The following SUGCT variants were observed in gnomAD, a reference collection of about 807,000 sequenced individuals.
The protein encoded by SUGCT is succinyl-CoA:glutarate-CoA transferase, also known as succinyl-CoA:glutarate CoA-transferase.
A neutral mutation model predicts 55.0 loss-of-function variants in SUGCT; 41 were observed. The ratio of observed to expected loss-of-function variants is 0.74; its 90% CI spans 0.58 to 0.97. SUGCT has a LOEUF of 0.97. Among genes scored for constraint, SUGCT ranks in the 50% least tolerant of loss-of-function variants. The probability of loss-of-function intolerance (pLI) is 0.00; values close to 1 mark genes in which losing one functional copy is unlikely to be tolerated. For synonymous variants in SUGCT, 187 were observed against 200.4 expected, an observed-to-expected ratio of 0.93 and a Z score of 0.56; for missense variants, 568 against 547.8, an observed-to-expected ratio of 1.04 and a Z score of -0.37.
intron 9 of SUGCT, among the ~76,000 whole-genome samples, chr7:40,412,620 T>C (rs1396304553): frequency 6.6e-6 from 1 of 152,194 alleles, no homozygotes; most frequent in Non-Finnish European, 1.5e-5. Context: ...CTCCCATAAT[T>C]CTTATCAGTT....
the SUGCT span, among the ~76,000 whole-genome samples, chr7:40,982,966 C>A: frequency 6.6e-6 from 1 of 152,090 alleles, no homozygotes; most frequent in South Asian, 2.1e-4. Context: ...ACCTGATGAC[C>A]AAGAAGCCCA....
chr7:40,949,697 T>C, the SUGCT span, among the ~76,000 whole-genome samples: 11 of 152,242 alleles, frequency 7.2e-5, no homozygotes, highest in Non-Finnish European at 1.5e-5. Flanking sequence ...CCCAACACCA[T>C]TTATTAAATA....
intron 12 of SUGCT, among the ~76,000 whole-genome samples, chr7:40,520,234 G>A (rs1441511462): frequency 6.6e-6 from 1 of 152,040 alleles, no homozygotes; most frequent in African/African-American, 2.4e-5. Context: ...TACAATACTA[G>A]AATTTTGATA....
intron 1 of SUGCT, among the ~76,000 whole-genome samples, chr7:40,147,553 C>T (rs1033466113): frequency 1.3e-5 from 2 of 152,174 alleles, no homozygotes; most frequent in Non-Finnish European, 2.9e-5. Context: ...TCCTTAGTCC[C>T]GACCACCAAG....
intron 10 of SUGCT, among the ~76,000 whole-genome samples, chr7:40,451,036 T>C (rs1180849033): frequency 6.6e-6 from 1 of 152,100 alleles, no homozygotes; most frequent in Non-Finnish European, 1.5e-5. Context: ...GGAAAATCGA[T>C]TCAAACATTT....
At chr7:40,264,572 TC>T (rs1791435702) in intron 7 of SUGCT, among the ~76,000 whole-genome samples, 1 of 152,204 alleles carries the variant, frequency 6.6e-6, no homozygotes, top group African/African-American at 2.4e-5. Context: ...ATCTGAATAT[TC>T]CATTCTTTGT....
At chr7:40,904,810 A>G in the SUGCT span, among the ~76,000 whole-genome samples, 2 of 152,218 alleles carry the variant, frequency 1.3e-5, no homozygotes. Context: ...GTATATGTAT[A>G]TATGTGTGTG....
chr7:40,945,779 G>A, the SUGCT span, among the ~76,000 whole-genome samples: 13 of 152,112 alleles, frequency 8.5e-5, no homozygotes, highest in African/African-American at 3.1e-4. Flanking sequence ...CTCCCTGAGG[G>A]CCAAACTACT....
chr7:40,199,584 G>C (rs1471357400), intron 6 of SUGCT, among the ~76,000 whole-genome samples: 1 of 152,064 alleles, frequency 6.6e-6, no homozygotes, highest in Non-Finnish European at 1.5e-5. Context: ...ATTTTAAGTT[G>C]TACCTTCTTT....
intron 12 of SUGCT, among the ~76,000 whole-genome samples, chr7:40,631,554 G>A (rs1799789484): frequency 6.6e-6 from 1 of 152,146 alleles, no homozygotes; most frequent in South Asian, 2.1e-4. Flanking sequence ...GCCTGGATTG[G>A]GTCTGGATAA....
rs561918109 is a variant in SUGCT, at chr7:40,719,839, A to T, written c.1090-29595A>T. 6.6e-5 allele frequency among the ~76,000 whole-genome samples: 10 copies of T among 152,330 alleles called. No homozygotes were observed. The South Asian group carries it at 2.1e-3, about 32-fold the overall frequency. The stretch of plus-strand genomic sequence containing the variant: ...TTTGAGACAGAGTCTCACTGTCACC[A>T]GGCTGGCATGCAGTGGCACGATCTC... On this transcript the variant is annotated intron_variant, in intron 12 of 13. Coordinates refer to ENST00000335693, the MANE Select transcript of SUGCT (RefSeq NM_001193313.2).
intron 9 of SUGCT, among the ~76,000 whole-genome samples, chr7:40,329,725 T>G (rs1005730318): frequency 1.1e-4 from 17 of 152,200 alleles, no homozygotes; most frequent in African/African-American, 4.1e-4. Flanking sequence ...AGACCCTTGT[T>G]GTCATTCTAA....
intron 12 of SUGCT, among the ~76,000 whole-genome samples, chr7:40,747,783 TG>T (rs1336560094): frequency 5.9e-5 from 9 of 152,182 alleles, no homozygotes; most frequent in African/African-American, 1.9e-4. Context: ...AGCCTCCAAT[TG>T]TTTTTTTTTA....
chr7:40,882,013 C>T, the SUGCT span, among the ~76,000 whole-genome samples: 1 of 152,150 alleles, frequency 6.6e-6, no homozygotes, highest in African/African-American at 2.4e-5. Flanking sequence ...TCCCTTTTCT[C>T]ACACCTTTGT....
chr7:40,363,189 T>A (rs552370902), intron 9 of SUGCT, among the ~76,000 whole-genome samples: 111 of 152,128 alleles, frequency 7.3e-4, no homozygotes, highest in African/African-American at 2.6e-3. Flanking sequence ...TGCATCTATT[T>A]GATTCTTCTC....
the SUGCT span, among the ~76,000 whole-genome samples, chr7:40,950,634 A>G: frequency 7.9e-5 from 12 of 152,278 alleles, no homozygotes; most frequent in African/African-American, 2.4e-4. Context: ...ACGTCCCATC[A>G]ATACCTAGTT....
intron 7 of SUGCT, among the ~76,000 whole-genome samples, chr7:40,248,847 A>G (rs998053279): frequency 1.3e-5 from 2 of 152,090 alleles, no homozygotes; most frequent in African/African-American, 4.8e-5. Flanking sequence ...ATGCAAATAA[A>G]CAAGTAGAGA....
At chr7:40,341,713 G>A (rs962133582) in intron 9 of SUGCT, among the ~76,000 whole-genome samples, 1 of 152,166 alleles carries the variant, frequency 6.6e-6, no homozygotes, top group African/African-American at 2.4e-5. Context: ...CACTAAACTT[G>A]TAAAATTGTG....
At chr7:40,339,537 C>T (rs536014384) in intron 9 of SUGCT, among the ~76,000 whole-genome samples, 5 of 152,196 alleles carry the variant, frequency 3.3e-5, no homozygotes, top group Non-Finnish European at 7.3e-5. Flanking sequence ...GCGTGGGACC[C>T]TCTGAGCCAG....
Sources: gnomAD v4.1 joint callset for allele counts (sites outside exome capture counted in the v4.1 genomes callset) on GRCh38, gnomAD v4.1.1 for gene constraint, MANE v1.5 for transcripts, NCBI Gene and HGNC (gene_info 2026-07-23, HGNC 2026-07-21) for gene names.